The following ZNF430 variants were observed in gnomAD, a reference collection of about 807,000 sequenced individuals.
The protein encoded by ZNF430 is zinc finger protein 430.
ZNF430 carries 35 observed loss-of-function variants against 56.7 expected under a neutral mutation model. The observed-to-expected ratio is 0.62, with a 90% CI of 0.47 to 0.82. The LOEUF (loss-of-function observed/expected upper bound fraction) is 0.82. ZNF430 is among the 40% of genes least tolerant of loss of function. The probability of loss-of-function intolerance (pLI) is 0.00; values close to 1 mark genes in which losing one functional copy is unlikely to be tolerated. For synonymous variants in ZNF430, 212 were observed against 224.3 expected, an observed-to-expected ratio of 0.94 and a Z score of 0.49; for missense variants, 574 against 661.0, an observed-to-expected ratio of 0.87 and a Z score of 1.44.
At chr19:21,049,689 C>CATTTCTTGTTACATTTCGTGT (rs1968249401) in intron 4 of ZNF430, 1 of 133,116 alleles carries the variant, frequency 7.5e-6, no homozygotes, top group African/African-American at 2.9e-5. Context: ...ACATTTCGTG[C>CATTTCTTGTTACATTTCGTGT]AACATTTCTT....
At chr19:21,029,545 G>A (rs1291895013) in intron 2 of ZNF430, among the ~76,000 whole-genome samples, 1 of 152,130 alleles carries the variant, frequency 6.6e-6, no homozygotes, top group African/African-American at 2.4e-5. Flanking sequence ...TACCTTGGTG[G>A]CAGAGAGAAC....
intron 2 of ZNF430, among the ~76,000 whole-genome samples, chr19:21,023,902 T>C (rs1967745056): frequency 6.6e-6 from 1 of 152,182 alleles, no homozygotes; most frequent in Non-Finnish European, 1.5e-5. Flanking sequence ...AATGCATACA[T>C]TATGTGAAAG....
intron 2 of ZNF430, among the ~76,000 whole-genome samples, chr19:21,027,959 T>A (rs932629761): frequency 6.6e-6 from 1 of 152,218 alleles, no homozygotes; most frequent in Non-Finnish European, 1.5e-5. Flanking sequence ...TCCTTTTAGG[T>A]AGTCATATCA....
chr19:21,049,048 G>A (rs1291961991), intron 4 of ZNF430, among the ~76,000 whole-genome samples: 1 of 151,474 alleles, frequency 6.6e-6, no homozygotes, highest in African/African-American at 2.4e-5. Flanking sequence ...ACAAAAATTA[G>A]GTATGTGGTG....
At chr19:21,048,164 CTTTTTTTTTTTT>C (rs536496163) in intron 4 of ZNF430, among the ~76,000 whole-genome samples, 1 of 59,780 alleles carries the variant, frequency 1.7e-5, no homozygotes, top group Non-Finnish European at 2.9e-5. Context: ...CATAAAACAT[CTTTTTTTTTTTT>C]TTTTTTTTTT....
intron 4 of ZNF430, among the ~76,000 whole-genome samples, chr19:21,043,300 G>C (rs147091015): frequency 1.6e-4 from 25 of 152,252 alleles, no homozygotes; most frequent in African/African-American, 3.6e-4. Flanking sequence ...TTTTGTACAG[G>C]TGTAAGGAAG....
At chr19:21,021,472 C>G (rs1967682551) in intron 1 of ZNF430, among the ~76,000 whole-genome samples, 2 of 151,734 alleles carry the variant, frequency 1.3e-5, no homozygotes, top group South Asian at 4.2e-4. Context: ...GCACTACAGC[C>G]TGTGTAACAG....
intron 1 of ZNF430, 115 bp from the exon 2 acceptor site, chr19:21,022,674 T>G: frequency 2.5e-6 from 2 of 815,146 alleles, no homozygotes; most frequent in East Asian, 2.4e-5. Context: ...CACCCTTCAG[T>G]TTTTTTCTGG....
chr19:21,023,325 C>G (rs766627252), intron 2 of ZNF430, among the ~76,000 whole-genome samples: 2 of 152,114 alleles, frequency 1.3e-5, no homozygotes, highest in Non-Finnish European at 2.9e-5. Flanking sequence ...AGCACTGCCA[C>G]TCCCTGGGTT....
intron 4 of ZNF430, among the ~76,000 whole-genome samples, chr19:21,044,409 G>A (rs566233131): frequency 4.6e-5 from 7 of 152,198 alleles, no homozygotes; most frequent in African/African-American, 1.4e-4. Flanking sequence ...TGTTGAAATA[G>A]CCTTGCATCC....
intron 4 of ZNF430, among the ~76,000 whole-genome samples, chr19:21,054,527 T>C (rs1037538494): frequency 1.3e-5 from 2 of 152,144 alleles, no homozygotes; most frequent in Admixed American, 6.5e-5. Flanking sequence ...AGACTATGCT[T>C]GCAAATGACA....
chr19:21,051,006 C>T (rs762740978), intron 4 of ZNF430, among the ~76,000 whole-genome samples: 3 of 151,954 alleles, frequency 2.0e-5, no homozygotes, highest in Non-Finnish European at 2.9e-5. Flanking sequence ...CCAGCCTGGG[C>T]AACAGAGCAA....
intron 4 of ZNF430, among the ~76,000 whole-genome samples, chr19:21,048,773 C>T (rs1434167667): frequency 6.6e-6 from 1 of 151,986 alleles, no homozygotes; most frequent in Non-Finnish European, 1.5e-5. Context: ...GCAGAGGCGC[C>T]CCCCACCTCC....
intron 1 of ZNF430, among the ~76,000 whole-genome samples, chr19:21,022,508 T>G (rs889444822): frequency 1.3e-5 from 2 of 152,300 alleles, no homozygotes; most frequent in Middle Eastern, 6.8e-3. Flanking sequence ...ATATTTCCCA[T>G]GTGAAGAAAG....
At chr19:21,021,303 A>AG (rs1967677993) in intron 1 of ZNF430, among the ~76,000 whole-genome samples, 4 of 152,140 alleles carry the variant, frequency 2.6e-5, no homozygotes, top group Non-Finnish European at 5.9e-5. Context: ...GTTCAAGACC[A>AG]GCCTGGCCAG....
intron 2 of ZNF430, among the ~76,000 whole-genome samples, chr19:21,026,346 G>A (rs1027451438): frequency 5.9e-5 from 9 of 151,808 alleles, no homozygotes; most frequent in East Asian, 1.9e-4. Flanking sequence ...ACGCCACCAC[G>A]CCTGGCCAGT....
chr19:21,031,937 C>T (rs868559477), intron 2 of ZNF430, among the ~76,000 whole-genome samples: 16 of 152,050 alleles, frequency 1.1e-4, no homozygotes, highest in Middle Eastern at 6.8e-3. Flanking sequence ...TACTATATAC[C>T]AGAGCTTTCT....
At chr19:21,039,575 TCCC>T (rs1968067559) in intron 4 of ZNF430, among the ~76,000 whole-genome samples, 1 of 151,674 alleles carries the variant, frequency 6.6e-6, no homozygotes, top group African/African-American at 2.4e-5. Context: ...CAAGCAATAC[TCCC>T]GCCTCAGCCT....
intron 2 of ZNF430, among the ~76,000 whole-genome samples, chr19:21,023,341 C>T (rs1044317754): frequency 6.6e-6 from 1 of 152,066 alleles, no homozygotes; most frequent in Admixed American, 6.5e-5. Context: ...GGGTTTGTCA[C>T]CTTGAAAAGA....
Sources: allele counts gnomAD v4.1 joint callset (sites outside exome capture counted in the v4.1 genomes callset), GRCh38; gene constraint gnomAD v4.1.1; transcripts MANE v1.5; gene names NCBI Gene and HGNC (gene_info 2026-07-23, HGNC 2026-07-21).